Variants in PRKDC observed in about 807,000 individuals in gnomAD.
PRKDC encodes the protein DNA-dependent protein kinase catalytic subunit.
In PRKDC, 82 loss-of-function variants were observed where a neutral mutation model predicts 486.9. The observed-to-expected ratio is 0.17, with a 90% CI of 0.14 to 0.20. The LOEUF is 0.20. PRKDC is among the 10% of genes least tolerant of loss of function. The probability of loss-of-function intolerance (pLI) is 1.00; values close to 1 mark genes in which losing one functional copy is unlikely to be tolerated. For missense variants in PRKDC, 4,504 were observed against 5,038.2 expected (o/e 0.89, Z 3.21); for synonymous variants, 1,895 against 1,837.0 (o/e 1.03, Z -0.81).
chr8:47,784,638 G>GC (rs917438757), intron 77 of PRKDC, among the ~76,000 whole-genome samples: 4 of 151,844 alleles, frequency 2.6e-5, no homozygotes, highest in Admixed American at 1.3e-4. Flanking sequence ...AATTTGCTGT[G>GC]CATCTCTATC....
At chr8:47,893,610 G>A (rs957479902) in intron 30 of PRKDC, among the ~76,000 whole-genome samples, 1 of 152,128 alleles carries the variant, frequency 6.6e-6, no homozygotes, top group Non-Finnish European at 1.5e-5. Flanking sequence ...TGGAGTAGCT[G>A]CATACTAATA....
chr8:47,858,910 G>A lies in PRKDC; in HGVS notation c.6284C>T (p.Ala2095Val), dbSNP rs8178147. 3.8e-5 allele frequency: 61 copies of A among 1,613,626 alleles called. No individual in the cohort carries two copies. The highest frequency in any genetic ancestry group is 4.7e-5 in the Non-Finnish European group (55 of 1,179,880). ...GTGCTTGACCAGGGCCGTCAGGGGC[G>A]CCATGCACTCATGCCGATTGAGCTC... ...MDELNRHECM[A>V]PLTALVKHMH... is the part of the protein sequence containing the mutation. The change falls in exon 47 of 86, where the codon GCG (alanine) becomes GTG (valine). Residue 2095 changes from alanine (A) to valine (V), a missense_variant. Physicochemically the swap from Ala to Val is moderately conservative, Grantham distance 64. Transcript: ENST00000314191.
chr8:47,856,217 G>C (rs574309278), intron 49 of PRKDC, among the ~76,000 whole-genome samples: 2 of 152,066 alleles, frequency 1.3e-5, no homozygotes, highest in South Asian at 4.2e-4. Flanking sequence ...GTATTTTTTT[G>C]TGGTGGGGGG....
In PRKDC at chr8:47,864,632, C is replaced by T. The variant is rs1486293432; in HGVS notation, c.5495G>A (p.Ser1832Asn). ...RSLLTLLWHC[S>N]LDALREFFST... The stretch of plus-strand genomic sequence containing the variant: ...GAAGAATTCTCTCAAAGCATCCAGG[C>T]TACAGTGCCACAGCAGAGTGAGGAG... Residue 1832 changes from serine to asparagine, a missense_variant, in exon 41 of 86, where the codon AGC (serine) becomes AAC (asparagine). Coordinates refer to ENST00000314191, the MANE Select transcript of PRKDC (RefSeq NM_006904.7). 3.1e-6 allele frequency: 5 copies of T among 1,609,744 alleles called. No homozygotes were observed. Among genetic ancestry groups the T allele is most frequent in the Non-Finnish European group, 4.2e-6 (5 of 1,178,116 alleles).
chr8:47,911,742 T>G (rs2154502753), intron 25 of PRKDC, among the ~76,000 whole-genome samples: 1 of 152,212 alleles, frequency 6.6e-6, no homozygotes, highest in South Asian at 2.1e-4. Flanking sequence ...TATAGGCCAC[T>G]TGCCAGCCAT....
chr8:47,893,084 C>A (rs1256078275), intron 31 of PRKDC, 55 bp downstream of exon 31: 1 of 1,505,272 alleles, frequency 6.6e-7, no homozygotes, highest in Non-Finnish European at 8.9e-7. Context: ...AGAGCCACTG[C>A]CCAGGGTGAC....
At chr8:47,898,655 A>C in intron 28 of PRKDC, 86 bp from the exon 29 acceptor site, 1 of 801,256 alleles carries the variant, frequency 1.2e-6, no homozygotes, top group East Asian at 3.2e-5. Context: ...TGTTGGCCTA[A>C]TTTTTAACTG....
intron 59 of PRKDC, among the ~76,000 whole-genome samples, 154 bp downstream of exon 59, chr8:47,834,042 C>T (rs1363718219): frequency 6.6e-6 from 1 of 152,218 alleles, no homozygotes; most frequent in Non-Finnish European, 1.5e-5. Flanking sequence ...ATTTCTTCAG[C>T]ATGGTGAGTG....
At chr8:47,923,874 A>T (rs1392022156) in intron 21 of PRKDC, among the ~76,000 whole-genome samples, 3 of 152,238 alleles carry the variant, frequency 2.0e-5, no homozygotes, top group Non-Finnish European at 4.4e-5. Flanking sequence ...CACATGACTT[A>T]ACAGAGAACC....
At chr8:47,806,046 C>T (rs2087210001) in intron 69 of PRKDC, among the ~76,000 whole-genome samples, 2 of 152,220 alleles carry the variant, frequency 1.3e-5, no homozygotes, top group Non-Finnish European at 1.5e-5. Context: ...CCAGTGCCAT[C>T]CCATGTCCAA....
chr8:47,888,666 A>G lies in PRKDC; in HGVS notation c.4281-16T>C. On this transcript the variant is annotated splice_polypyrimidine_tract_variant and intron_variant, in intron 33 of 85. Transcript: ENST00000314191. ...CTCCTCAATGCTGGCCATGTGACAA[A>G]ACAGTAAATTAGGTGAGCTCTGATC... 1 of 1,563,974 alleles carries G rather than the reference A, an allele frequency of 6.4e-7. No homozygotes were observed. The highest frequency in any genetic ancestry group is 1.2e-5 in the South Asian group (1 of 83,232).
chr8:47,803,118 A>C (rs1318112838), intron 70 of PRKDC, among the ~76,000 whole-genome samples, 188 bp downstream of exon 70: 1 of 152,204 alleles, frequency 6.6e-6, no homozygotes, highest in Non-Finnish European at 1.5e-5. Context: ...TTTACATCTT[A>C]TATGCAAACA....
At position 47,819,688 on chromosome 8, in the gene PRKDC, T is replaced by A. The variant is rs537393899; in HGVS notation, c.9337-178A>T. On this transcript the variant is annotated intron_variant, in intron 66 of 85. Transcript: ENST00000314191. ...GACAGTTAACAAATAGTTTAAATTT[T>A]AAAAAAAAATTTAAGGTTTCAATAA... Among the ~76,000 whole-genome samples, 682 of 151,796 alleles carry A rather than the reference T, an allele frequency of 4.5e-3. 1 individual carries two copies. Among genetic ancestry groups the A allele is most frequent in the Non-Finnish European group, 6.3e-3 (425 of 67,918 alleles).
At chr8:47,868,223 A>G (rs1446335348) in intron 40 of PRKDC, among the ~76,000 whole-genome samples, 1 of 152,044 alleles carries the variant, frequency 6.6e-6, no homozygotes, top group East Asian at 1.9e-4. Flanking sequence ...TTCCTCCTCT[A>G]TATCCTGAAG....
chr8:47,910,296 T>C (rs1440405236), intron 25 of PRKDC, among the ~76,000 whole-genome samples: 1 of 152,222 alleles, frequency 6.6e-6, no homozygotes, highest in Non-Finnish European at 1.5e-5. Context: ...CCAATCCCTC[T>C]ACAGCAGTGT....
At chr8:47,881,259 C>T (rs1016607178) in intron 38 of PRKDC, among the ~76,000 whole-genome samples, 157 bp downstream of exon 38, 2 of 152,014 alleles carry the variant, frequency 1.3e-5, no homozygotes, top group Non-Finnish European at 2.9e-5. Context: ...GGATGGTTAT[C>T]GAGACTGGCT....
chr8:47,926,355 T>C (rs2090156779), intron 21 of PRKDC, among the ~76,000 whole-genome samples: 1 of 152,230 alleles, frequency 6.6e-6, no homozygotes, highest in Admixed American at 6.5e-5. Flanking sequence ...ACACAGTGCA[T>C]GAAATCTGTC....
intron 40 of PRKDC, among the ~76,000 whole-genome samples, chr8:47,867,599 T>C (rs1478053695): frequency 2.0e-5 from 3 of 152,188 alleles, no homozygotes; most frequent in Non-Finnish European, 4.4e-5. Context: ...TTTGTGCATA[T>C]TGTAAAGCCA....
At chr8:47,883,374 T>A (rs1300277337) in intron 36 of PRKDC, among the ~76,000 whole-genome samples, 1 of 152,174 alleles carries the variant, frequency 6.6e-6, no homozygotes, top group Non-Finnish European at 1.5e-5. Flanking sequence ...CGGTTCTGAA[T>A]TCTCAAGAAA....
Sources: allele counts gnomAD v4.1 joint callset (sites outside exome capture counted in the v4.1 genomes callset), GRCh38; gene constraint gnomAD v4.1.1; transcripts MANE v1.5; gene names NCBI Gene and HGNC (gene_info 2026-07-23, HGNC 2026-07-21).